VPS39: variants seen among roughly 807,000 people sequenced by gnomAD.
VPS39 encodes the protein vam6/Vps39-like protein.
VPS39 carries 70 observed loss-of-function variants against 121.0 expected under a neutral mutation model. The ratio of observed to expected loss-of-function variants is 0.58; its 90% CI spans 0.48 to 0.71. VPS39 has a LOEUF of 0.71. Among genes scored for constraint, VPS39 ranks in the 30% least tolerant of loss-of-function variants. The pLI, the probability that VPS39 is intolerant of heterozygous loss-of-function variation, is 0.00. For synonymous variants in VPS39, 378 were observed against 398.1 expected (o/e 0.95, Z 0.60); for missense variants, 818 against 1,051.5 (o/e 0.78, Z 3.07).
In VPS39 at chr15:42,160,198, G is replaced by A. The variant is rs989810866; in HGVS notation, c.*556C>T. On this transcript the variant is annotated 3_prime_UTR_variant, in exon 25 of 25. Coordinates refer to ENST00000318006, the MANE Select transcript of VPS39 (RefSeq NM_015289.5). ...AGGGCAGTGAGGGAAGTGATAAATG[G>A]TGAGAAAGAAAAGGAGACTGAAAAC... is the stretch of plus-strand genomic sequence containing the variant. 3 of 152,964 alleles carry A rather than the reference G, an allele frequency of 2.0e-5. No homozygotes were observed. The highest frequency in any genetic ancestry group is 7.2e-5 in the African/African-American group (3 of 41,460). The allele number at this position is 152,964 out of a possible 1,614,324, so 9.5% of individuals were successfully genotyped here. A position where few individuals can be genotyped will look rare whatever the true frequency, so the allele number is the denominator to read the frequency against.
intron 2 of VPS39, chr15:42,199,647 C>T (rs1229974717): frequency 1.2e-5 from 6 of 502,854 alleles, no homozygotes; most frequent in South Asian, 1.2e-4. Context: ...TTCTTAGAGA[C>T]TCACTACCAG....
chr15:42,163,227 A>C, intron 21 of VPS39, 123 bp downstream of exon 21: 1 of 1,204,934 alleles, frequency 8.3e-7, no homozygotes, highest in South Asian at 1.3e-5. Context: ...ACACACATGC[A>C]AGATCAATCA....
Position 42,208,295 on chromosome 15 carries a change from C to A in VPS39, c.-142G>T. 2.8e-6 allele frequency: 3 copies of A among 1,083,376 alleles called. No homozygotes were observed. The highest frequency in any genetic ancestry group is 2.7e-5 in the East Asian group (1 of 37,616). The allele number at this position is 1,083,376 out of a possible 1,614,324, so 67.1% of individuals were successfully genotyped here. ...ACAGGCCCTTCAACAACACAGCCATCGTCAACCCCGGACTTCCTGCTAGTT... is the reference window on the plus strand; with the variant it reads ...ACAGGCCCTTCAACAACACAGCCATAGTCAACCCCGGACTTCCTGCTAGTT... On this transcript the variant is annotated 5_prime_UTR_variant, in exon 1 of 25. Transcript: ENST00000318006.
At chr15:42,178,885 T>C (rs558739008) in intron 8 of VPS39, 23 of 249,352 alleles carry the variant, frequency 9.2e-5, no homozygotes, top group African/African-American at 5.0e-4. Flanking sequence ...TGCACACCTG[T>C]AGTCCCAGCT....
At chr15:42,179,434 G>A (rs2663093) in intron 8 of VPS39, among the ~76,000 whole-genome samples, 19,625 of 150,682 alleles carry the variant, frequency 0.13, 1,573 homozygotes, top group South Asian at 0.23. Flanking sequence ...AAAATTAGCC[G>A]GGCGTGGTGG....
intron 11 of VPS39, among the ~76,000 whole-genome samples, chr15:42,171,404 G>C (rs1412520623): frequency 3.3e-5 from 5 of 152,186 alleles, no homozygotes; most frequent in Non-Finnish European, 1.5e-5. Flanking sequence ...GCACCTGCCT[G>C]GATACAGCAG....
intron 1 of VPS39, among the ~76,000 whole-genome samples, chr15:42,206,917 G>A (rs2050186065): frequency 6.6e-6 from 1 of 152,170 alleles, no homozygotes; most frequent in Non-Finnish European, 1.5e-5. Context: ...AATGTTTAAT[G>A]AGAGCATTTA....
chr15:42,162,159 TTG>T lies in VPS39; in HGVS notation c.2331_2332del (p.Asn778ProfsTer10). The T allele has an allele frequency of 6.2e-7, 1 of 1,614,116 alleles. No homozygotes were observed. The highest frequency in any genetic ancestry group is 8.5e-7 in the Non-Finnish European group (1 of 1,180,016). ...GATCTGAGTGTTTGCTGGCAGAAGG[TTG>T]AGGGCCTAGGGACAGGAACAGAGAT... is the stretch of plus-strand genomic sequence containing the variant. On this transcript the variant is annotated frameshift_variant, in exon 23 of 25. Transcript: ENST00000318006. LOFTEE classifies it high-confidence loss of function.
chr15:42,186,686 T>C (rs1027723863), intron 7 of VPS39, among the ~76,000 whole-genome samples: 2 of 152,354 alleles, frequency 1.3e-5, no homozygotes, highest in South Asian at 4.2e-4. Flanking sequence ...CATAGTATTT[T>C]TACCAATAGG....
In VPS39 at chr15:42,164,506, C is replaced by CA. The variant is rs745602304; in HGVS notation, c.1898-21dup. On this transcript the variant is annotated intron_variant, in intron 18 of 24. Coordinates refer to ENST00000318006, the MANE Select transcript of VPS39 (RefSeq NM_015289.5). ...TTTTGCCTTTAAGGGAAACCAAGCT[C>CA]AAAATGAAAGGACACTGCCAGGTGG... 6 of 1,613,138 alleles carry CA rather than the reference C, an allele frequency of 3.7e-6. No individual in the cohort carries two copies. The highest frequency in any genetic ancestry group is 2.2e-5 in the East Asian group (1 of 44,864).
At chr15:42,205,949 G>A (rs1409932019) in intron 1 of VPS39, among the ~76,000 whole-genome samples, 1 of 152,192 alleles carries the variant, frequency 6.6e-6, no homozygotes, top group Non-Finnish European at 1.5e-5. Flanking sequence ...AAAGCTTTTG[G>A]CTTTAGTCAA....
chr15:42,185,199 G>A (rs62002308), intron 7 of VPS39, among the ~76,000 whole-genome samples: 1 of 136,660 alleles, frequency 7.3e-6, no homozygotes, highest in Non-Finnish European at 1.5e-5. Context: ...TTTTTTTTTG[G>A]AGACAGTCTT....
In VPS39 at chr15:42,167,825, G is replaced by A. The variant is rs944425472; in HGVS notation, c.1234-288C>T. Among the ~76,000 whole-genome samples the A allele has an allele frequency of 2.6e-5, 4 of 152,326 alleles. No homozygotes were observed. The South Asian group carries it at 6.2e-4, about 24-fold the overall frequency. ...TTACAGGTGAGGAACCCAAGGCACA[G>A]GTGTCAGCTGCTACATAAGGGGTAG... is the stretch of plus-strand genomic sequence containing the variant. On this transcript the variant is annotated intron_variant, in intron 12 of 24. Transcript: ENST00000318006.
intron 2 of VPS39, among the ~76,000 whole-genome samples, chr15:42,193,231 T>C (rs2049867077): frequency 6.6e-6 from 1 of 152,186 alleles, no homozygotes; most frequent in Admixed American, 6.5e-5. Context: ...TTTAAATACA[T>C]ACATTTAAAA....
At chr15:42,190,299 T>C (rs538869296) in intron 4 of VPS39, among the ~76,000 whole-genome samples, 24 of 152,216 alleles carry the variant, frequency 1.6e-4, no homozygotes, top group Non-Finnish European at 3.2e-4. Flanking sequence ...AATAATCATT[T>C]TACCTGGGCC....
intron 11 of VPS39, among the ~76,000 whole-genome samples, chr15:42,172,347 A>T (rs1356493920): frequency 6.6e-6 from 1 of 152,172 alleles, no homozygotes; most frequent in Non-Finnish European, 1.5e-5. Flanking sequence ...TTTCAGCCAT[A>T]TGAGTGAGCC....
intron 18 of VPS39, 55 bp from the exon 19 acceptor site, chr15:42,164,541 GTCA>G: frequency 3.1e-6 from 5 of 1,599,954 alleles, no homozygotes; most frequent in Non-Finnish European, 4.3e-6. Context: ...GCAATGTAGG[GTCA>G]TCAAGAAAAA....
chr15:42,190,362 G>A lies in VPS39; in HGVS notation c.247+763C>T, dbSNP rs765922888. 3.9e-5 allele frequency among the ~76,000 whole-genome samples: 6 copies of A among 152,036 alleles called. No individual in the cohort carries two copies. The South Asian group carries it at 1.0e-3, about 26-fold the overall frequency. The stretch of plus-strand genomic sequence containing the variant: ...AAGTTACCTCAGATGTTTATCTGTG[G>A]ACCCAGGAACAACATTTAACATGAT... On this transcript the variant is annotated intron_variant, in intron 4 of 24. Coordinates refer to ENST00000318006, the MANE Select transcript of VPS39 (RefSeq NM_015289.5).
chr15:42,181,179 CT>C (rs1232839164), intron 8 of VPS39, among the ~76,000 whole-genome samples: 1 of 151,960 alleles, frequency 6.6e-6, no homozygotes, highest in Admixed American at 6.6e-5. Context: ...AATATTATTA[CT>C]TTTTTAAGTA....
Sources: gnomAD v4.1 joint callset for allele counts (sites outside exome capture counted in the v4.1 genomes callset) on GRCh38, gnomAD v4.1.1 for gene constraint, MANE v1.5 for transcripts, NCBI Gene and HGNC (gene_info 2026-07-23, HGNC 2026-07-21) for gene names.